The following LRP6 variants were observed in gnomAD, a reference collection of about 807,000 sequenced individuals.
LRP6 encodes the protein low-density lipoprotein receptor-related protein 6.
Under a neutral mutation model 184.1 loss-of-function variants are expected in LRP6, and 43 were observed. That is an observed-to-expected ratio of 0.23 (90% CI 0.18 to 0.30). The LOEUF (loss-of-function observed/expected upper bound fraction) is 0.30. LRP6 is among the 10% of genes least tolerant of loss of function. LRP6 has a pLI of 1.00. For synonymous variants in LRP6, 719 were observed against 684.9 expected (o/e 1.05, Z -0.78); for missense variants, 1,571 against 2,005.3 (o/e 0.78, Z 4.14).
At chr12:12,204,350 ATAAC>A (rs1368758558) in intron 2 of LRP6, among the ~76,000 whole-genome samples, 2 of 151,674 alleles carry the variant, frequency 1.3e-5, no homozygotes, top group African/African-American at 4.8e-5. Context: ...AAGAGATATG[ATAAC>A]TACATCAAGT....
chr12:12,234,337 C>T lies in LRP6; in HGVS notation c.449+9925G>A, dbSNP rs1355721032. Among the ~76,000 whole-genome samples, 4 of 151,974 alleles carry T rather than the reference C, an allele frequency of 2.6e-5. No individual in the cohort carries two copies. The East Asian group carries it at 7.7e-4, about 29-fold the overall frequency. ...TGATGGCACATGCCTGTAGTCCCAG[C>T]TACTTGAGAGGCTGAGGCCAAAGAA... is the stretch of plus-strand genomic sequence containing the variant. On this transcript the variant is annotated intron_variant, in intron 2 of 22. Transcript: ENST00000261349.
chr12:12,187,676 C>CA (rs1863508682), intron 3 of LRP6, among the ~76,000 whole-genome samples: 1 of 152,160 alleles, frequency 6.6e-6, no homozygotes. Flanking sequence ...GCCAAAATGG[C>CA]ATGCAGGTAG....
chr12:12,128,331 T>C (rs915461597), intron 19 of LRP6, among the ~76,000 whole-genome samples: 9 of 152,260 alleles, frequency 5.9e-5, no homozygotes, highest in Non-Finnish European at 1.2e-4. Flanking sequence ...CATTCTCTTC[T>C]GCCTGCATCT....
chr12:12,202,993 A>T (rs902437385), intron 3 of LRP6, among the ~76,000 whole-genome samples: 8 of 152,232 alleles, frequency 5.3e-5, no homozygotes, highest in Non-Finnish European at 1.2e-4. Context: ...GAAAGAGGAA[A>T]TACAGTCTGT....
At chr12:12,215,873 A>C (rs1474259388) in intron 2 of LRP6, among the ~76,000 whole-genome samples, 1 of 151,610 alleles carries the variant, frequency 6.6e-6, no homozygotes, top group Non-Finnish European at 1.5e-5. Flanking sequence ...TTAGCCAGGC[A>C]TGGTGGCGAG....
intron 9 of LRP6, 75 bp downstream of exon 9, chr12:12,164,198 C>T: frequency 1.5e-6 from 2 of 1,363,358 alleles, no homozygotes; most frequent in East Asian, 2.3e-5. Flanking sequence ...AGGTGGGTCA[C>T]AGCATGAAGA....
At chr12:12,142,990 ACT>A (rs1404516877) in intron 15 of LRP6, among the ~76,000 whole-genome samples, 1 of 152,130 alleles carries the variant, frequency 6.6e-6, no homozygotes, top group African/African-American at 2.4e-5. Flanking sequence ...AAAAAACACA[ACT>A]CTCATTATTT....
intron 7 of LRP6, among the ~76,000 whole-genome samples, chr12:12,167,367 G>C (rs1187811472): frequency 6.6e-6 from 1 of 152,154 alleles, no homozygotes; most frequent in Non-Finnish European, 1.5e-5. Flanking sequence ...CAGCAGTCCA[G>C]GCGCGGTGGC....
intron 19 of LRP6, among the ~76,000 whole-genome samples, chr12:12,129,965 A>G (rs761350327): frequency 6.6e-5 from 10 of 151,004 alleles, no homozygotes; most frequent in Non-Finnish European, 8.9e-5. Context: ...GATTTCTATT[A>G]CAGCACTTAT....
intron 15 of LRP6, among the ~76,000 whole-genome samples, chr12:12,139,754 A>T (rs1266645438): frequency 1.3e-5 from 2 of 152,050 alleles, no homozygotes; most frequent in African/African-American, 4.8e-5. Flanking sequence ...AAAGAAAATA[A>T]TTTTGAAGGT....
intron 3 of LRP6, among the ~76,000 whole-genome samples, chr12:12,192,226 T>C (rs1225653219): frequency 1.3e-5 from 2 of 152,028 alleles, no homozygotes; most frequent in Non-Finnish European, 2.9e-5. Context: ...TACCACAAAG[T>C]AGATTTTGAC....
chr12:12,245,603 T>C (rs1208774640), intron 1 of LRP6, among the ~76,000 whole-genome samples: 3 of 152,310 alleles, frequency 2.0e-5, no homozygotes, highest in African/African-American at 7.2e-5. Context: ...ATAAAACTGT[T>C]ACAGTTTGAC....
intron 7 of LRP6, 136 bp from the exon 8 acceptor site, chr12:12,165,431 T>C (rs1280649308): frequency 1.4e-6 from 1 of 704,544 alleles, no homozygotes; most frequent in Non-Finnish European, 2.5e-6. Flanking sequence ...TTCTCAAAAT[T>C]ACATGATGAT....
At chr12:12,246,093 C>T (rs1865176698) in intron 1 of LRP6, among the ~76,000 whole-genome samples, 1 of 150,132 alleles carries the variant, frequency 6.7e-6, no homozygotes, top group Non-Finnish European at 1.5e-5. Flanking sequence ...GCCTCCGCCT[C>T]CCAGGTTCAA....
chr12:12,165,687 T>C (rs988596101), intron 7 of LRP6, among the ~76,000 whole-genome samples: 2 of 152,228 alleles, frequency 1.3e-5, no homozygotes, highest in African/African-American at 2.4e-5. Context: ...ATCTTTTATT[T>C]TATCTTGAGA....
At chr12:12,250,260 G>A (rs1449362588) in intron 1 of LRP6, among the ~76,000 whole-genome samples, 1 of 152,002 alleles carries the variant, frequency 6.6e-6, no homozygotes, top group Non-Finnish European at 1.5e-5. Flanking sequence ...ATCTTTTATA[G>A]TCTCTGCATC....
chr12:12,147,664 TAA>T, intron 14 of LRP6, 108 bp from the exon 15 acceptor site: 1 of 958,910 alleles, frequency 1.0e-6, no homozygotes, highest in Non-Finnish European at 1.6e-6. Flanking sequence ...GTATTGTTTT[TAA>T]AAGTTTTAAA....
At chr12:12,263,590 C>A (rs1486527825) in intron 1 of LRP6, among the ~76,000 whole-genome samples, 1 of 148,644 alleles carries the variant, frequency 6.7e-6, no homozygotes, top group Admixed American at 6.8e-5. Flanking sequence ...CACCTGTAAT[C>A]CCAGAACTCC....
At position 12,170,340 on chromosome 12, in the gene LRP6, A is replaced by AT. The variant is rs1216495285; in HGVS notation, c.1546-5046dup. ...GAATGAGACTCATCTCAAAAACAGT[A>AT]TAAAACAGTAGACAGAATTTTAATA... On this transcript the variant is annotated intron_variant, in intron 7 of 22. Coordinates refer to ENST00000261349, the MANE Select transcript of LRP6 (RefSeq NM_002336.3). Among the ~76,000 whole-genome samples, 9 of 152,188 alleles carry AT rather than the reference A, an allele frequency of 5.9e-5. No individual in the cohort carries two copies. The East Asian group carries it at 1.7e-3, about 29-fold the overall frequency.
Sources: gnomAD v4.1 joint callset for allele counts (sites outside exome capture counted in the v4.1 genomes callset) on GRCh38, gnomAD v4.1.1 for gene constraint, MANE v1.5 for transcripts, NCBI Gene and HGNC (gene_info 2026-07-23, HGNC 2026-07-21) for gene names.